KIF6: variants seen among roughly 807,000 people sequenced by gnomAD.
KIF6 encodes kinesin family member 6, also known as kinesin-like protein KIF6.
A neutral mutation model predicts 112.7 loss-of-function variants in KIF6; 106 were observed. That is an observed-to-expected ratio of 0.94 (90% confidence interval 0.80 to 1.11). KIF6 has a LOEUF of 1.11. KIF6 is among the 50% of genes least tolerant of loss of function. KIF6 has a pLI of 0.00. For missense variants in KIF6, 929 were observed against 964.0 expected, an observed-to-expected ratio of 0.96 and a Z score of 0.48; for synonymous variants, 339 against 339.9, an observed-to-expected ratio of 1.00 and a Z score of 0.03.
At chr6:39,494,054 C>T (rs1017707228) in intron 13 of KIF6, among the ~76,000 whole-genome samples, 1 of 152,192 alleles carries the variant, frequency 6.6e-6, no homozygotes, top group Non-Finnish European at 1.5e-5. Flanking sequence ...CACTGAAGAA[C>T]CCACTTCCTC....
At chr6:39,386,811 G>A (rs965898293) in intron 15 of KIF6, among the ~76,000 whole-genome samples, 10 of 152,186 alleles carry the variant, frequency 6.6e-5, no homozygotes, top group African/African-American at 2.4e-5. Flanking sequence ...CAGCACACTT[G>A]TTAAAATGTC....
intron 3 of KIF6, among the ~76,000 whole-genome samples, chr6:39,644,494 G>T (rs1272143404): frequency 6.6e-6 from 1 of 152,090 alleles, no homozygotes; most frequent in Non-Finnish European, 1.5e-5. Flanking sequence ...GGAGAAGGCA[G>T]TACAGATACA....
At chr6:39,414,337 C>T (rs1381366057) in intron 15 of KIF6, among the ~76,000 whole-genome samples, 1 of 152,204 alleles carries the variant, frequency 6.6e-6, no homozygotes, top group Non-Finnish European at 1.5e-5. Flanking sequence ...TCAGTAAACC[C>T]ACTCAGTTGG....
intron 3 of KIF6, among the ~76,000 whole-genome samples, chr6:39,704,167 A>G (rs1435116562): frequency 6.6e-6 from 1 of 152,152 alleles, no homozygotes; most frequent in African/African-American, 2.4e-5. Context: ...GTCAGTGGGG[A>G]GCCAAAAATG....
chr6:39,343,341 G>C lies in KIF6; in HGVS notation c.2428+368C>G. On this transcript the variant is annotated intron_variant, in intron 22 of 22. Coordinates refer to ENST00000287152, the MANE Select transcript of KIF6 (RefSeq NM_145027.6). This position sits in a 1 kb window ranked among gnomAD's most constrained non-coding sequence, Gnocchi z 4.1. The stretch of plus-strand genomic sequence containing the variant: ...TGAGACTTTAAGCCAGGGGTTCAAC[G>C]AGTTACCAAAACATCACTCAGCCCC... 7.7e-7 allele frequency: 1 copy of C among 1,301,406 alleles called. No individual in the cohort carries two copies. Among genetic ancestry groups the C allele is most frequent in the Non-Finnish European group, 1.0e-6 (1 of 996,748 alleles). 80.6% of individuals were successfully genotyped at this position (1,301,406 alleles called of 1,614,324 possible). A position where few individuals can be genotyped will look rare whatever the true frequency, so the allele number is the denominator to read the frequency against.
At chr6:39,415,332 A>G (rs1769837968) in intron 15 of KIF6, among the ~76,000 whole-genome samples, 2 of 148,242 alleles carry the variant, frequency 1.3e-5, no homozygotes, top group Non-Finnish European at 3.0e-5. Context: ...AAAAGGCCAA[A>G]TGGGACGGTT....
In KIF6 at chr6:39,668,589, C is replaced by G. The variant is rs141099948; in HGVS notation, c.252-28832G>C. Among the ~76,000 whole-genome samples the G allele has an allele frequency of 1.0e-2, 1,521 of 152,250 alleles. 26 individuals are homozygous for G. The highest frequency in any genetic ancestry group is 0.034 in the African/African-American group (1,404 of 41,544). ...TCGTGTGATGAGAAGCTCATTACTT[C>G]ACAAAACAGCCATTTCACTTTTGAT... is the stretch of plus-strand genomic sequence containing the variant. On this transcript the variant is annotated intron_variant, in intron 3 of 22. Coordinates refer to ENST00000287152, the MANE Select transcript of KIF6 (RefSeq NM_145027.6).
intron 13 of KIF6, among the ~76,000 whole-genome samples, chr6:39,529,901 C>T (rs1350723709): frequency 6.6e-6 from 1 of 152,202 alleles, no homozygotes; most frequent in Non-Finnish European, 1.5e-5. Context: ...AAATTCTGCC[C>T]ATCCTTTGAG....
At chr6:39,523,061 G>A (rs1777487937) in intron 13 of KIF6, among the ~76,000 whole-genome samples, 1 of 152,076 alleles carries the variant, frequency 6.6e-6, no homozygotes, top group Non-Finnish European at 1.5e-5. Flanking sequence ...CTTAACATAT[G>A]CATAATTTAA....
At chr6:39,375,958 T>C (rs1766405404) in intron 16 of KIF6, among the ~76,000 whole-genome samples, 1 of 152,180 alleles carries the variant, frequency 6.6e-6, no homozygotes. Context: ...AACCACTCAA[T>C]GGGTCTGAAC....
intron 3 of KIF6, among the ~76,000 whole-genome samples, chr6:39,669,406 T>C (rs138236898): frequency 2.2e-4 from 34 of 152,330 alleles, no homozygotes; most frequent in African/African-American, 8.2e-4. Context: ...ATCCAAGACA[T>C]AGAGGCTCTC....
chr6:39,562,363 T>C (rs945359304), intron 10 of KIF6, among the ~76,000 whole-genome samples: 5 of 152,154 alleles, frequency 3.3e-5, no homozygotes, highest in African/African-American at 9.7e-5. Context: ...GAGACATGAG[T>C]CCTTTTCTTG....
chr6:39,366,747 G>A (rs1301958535), intron 16 of KIF6, among the ~76,000 whole-genome samples: 1 of 152,168 alleles, frequency 6.6e-6, no homozygotes, highest in Non-Finnish European at 1.5e-5. Context: ...GGGAAATCGT[G>A]GTGGGAGCTG....
chr6:39,448,202 C>G (rs963875425), intron 13 of KIF6, among the ~76,000 whole-genome samples: 1 of 151,994 alleles, frequency 6.6e-6, no homozygotes, highest in Non-Finnish European at 1.5e-5. Flanking sequence ...GAGATGAAGT[C>G]TTGCTCTTGT....
intron 13 of KIF6, among the ~76,000 whole-genome samples, chr6:39,467,766 C>T (rs892727762): frequency 6.6e-6 from 1 of 152,102 alleles, no homozygotes; most frequent in Non-Finnish European, 1.5e-5. Flanking sequence ...GCAAAGAAAG[C>T]GCTACCCATA....
At chr6:39,478,773 A>T (rs1424132960) in intron 13 of KIF6, among the ~76,000 whole-genome samples, 5 of 123,992 alleles carry the variant, frequency 4.0e-5, no homozygotes, top group South Asian at 5.0e-4. Context: ...TATTTTTTTT[A>T]AATTTTTTGA....
At chr6:39,522,010 C>G (rs1295924773) in intron 13 of KIF6, among the ~76,000 whole-genome samples, 2 of 152,182 alleles carry the variant, frequency 1.3e-5, no homozygotes, top group Non-Finnish European at 2.9e-5. Context: ...TCCCTGAGAA[C>G]CTGCCCACTC....
At chr6:39,547,501 T>A (rs1026078956) in intron 10 of KIF6, among the ~76,000 whole-genome samples, 1 of 152,104 alleles carries the variant, frequency 6.6e-6, no homozygotes, top group East Asian at 1.9e-4. Context: ...TTCCAAACAA[T>A]GCAGATGTGA....
intron 13 of KIF6, among the ~76,000 whole-genome samples, chr6:39,466,437 A>G (rs545436513): frequency 6.6e-6 from 1 of 152,268 alleles, no homozygotes; most frequent in African/African-American, 2.4e-5. Context: ...ATTAAAACAA[A>G]GAACAACAAC....
Sources: gnomAD v4.1 joint callset for allele counts (sites outside exome capture counted in the v4.1 genomes callset) on GRCh38, gnomAD v4.1.1 for gene constraint, Gnocchi (gnomAD v3.1) non-coding constraint, MANE v1.5 for transcripts, NCBI Gene and HGNC (gene_info 2026-07-23, HGNC 2026-07-21) for gene names.